The following PLPPR1 variants were observed in gnomAD, a reference collection of about 807,000 sequenced individuals.
The protein encoded by PLPPR1 is phospholipid phosphatase-related protein type 1.
A neutral mutation model predicts 33.1 loss-of-function variants in PLPPR1; 10 were observed. The ratio of observed to expected loss-of-function variants is 0.30; its 90% CI spans 0.19 to 0.51. PLPPR1 has a LOEUF of 0.51. PLPPR1 is among the 20% of genes least tolerant of loss of function. PLPPR1 has a pLI of 0.97. For synonymous variants in PLPPR1, 151 were observed against 151.0 expected, an observed-to-expected ratio of 1.00 and a Z score of 0.00; for missense variants, 304 against 408.1, an observed-to-expected ratio of 0.74 and a Z score of 2.20.
chr9:101,162,161 G>A (rs1319890195), intron 1 of PLPPR1, among the ~76,000 whole-genome samples: 2 of 151,858 alleles, frequency 1.3e-5, no homozygotes, highest in African/African-American at 2.4e-5. Context: ...AGCATAATGA[G>A]TTATTTCATG....
intron 4 of PLPPR1, among the ~76,000 whole-genome samples, chr9:101,290,969 A>G (rs1158200869): frequency 6.6e-6 from 1 of 152,242 alleles, no homozygotes; most frequent in Non-Finnish European, 1.5e-5. Context: ...GCGCGAGCCA[A>G]AGTAGGGCGA....
chr9:101,303,082 G>C (rs1215425871), intron 4 of PLPPR1, among the ~76,000 whole-genome samples: 1 of 152,036 alleles, frequency 6.6e-6, no homozygotes, highest in Admixed American at 6.6e-5. Flanking sequence ...CGCCTCCCAC[G>C]TTCAAGCGAT....
intron 1 of PLPPR1, among the ~76,000 whole-genome samples, chr9:101,099,605 G>A (rs184935079): frequency 1.6e-4 from 25 of 152,166 alleles, no homozygotes; most frequent in Non-Finnish European, 2.2e-4. Flanking sequence ...TAGACAATAC[G>A]ATATGACAGC....
At position 101,228,492 on chromosome 9, in the gene PLPPR1, G is replaced by T. The variant is rs542448219; in HGVS notation, c.64-41388G>T. 2.6e-5 allele frequency among the ~76,000 whole-genome samples: 4 copies of T among 152,206 alleles called. No homozygotes were observed. The South Asian group carries it at 8.3e-4, about 32-fold the overall frequency. On this transcript the variant is annotated intron_variant, in intron 2 of 7. Transcript: ENST00000374874. ...AGAATATATCACACTTAAAAGCGCG[G>T]TGTAAAAAATTTTTAAAGACATTGT...
chr9:101,322,125 G>A (rs7466590), intron 7 of PLPPR1, among the ~76,000 whole-genome samples: 1 of 132,134 alleles, frequency 7.6e-6, no homozygotes, highest in South Asian at 2.5e-4. Flanking sequence ...TTGAACCCAA[G>A]AGGCATGGGT....
At position 101,124,190 on chromosome 9, in the gene PLPPR1, C is replaced by T. The variant is rs982378229; in HGVS notation, c.-45-61260C>T. Among the ~76,000 whole-genome samples the T allele has an allele frequency of 2.6e-5, 4 of 152,154 alleles. No homozygotes were observed. The East Asian group carries it at 7.7e-4, about 29-fold the overall frequency. On this transcript the variant is annotated intron_variant, in intron 1 of 7. Coordinates refer to ENST00000374874, the MANE Select transcript of PLPPR1 (RefSeq NM_207299.2). The stretch of plus-strand genomic sequence containing the variant: ...TCATTTTTCTTAGCCCTTATTCAAA[C>T]TGGAGTCGCTCTGGTTTGAATACTT...
At chr9:101,059,711 C>G (rs1830320991) in intron 1 of PLPPR1, among the ~76,000 whole-genome samples, 1 of 151,962 alleles carries the variant, frequency 6.6e-6, no homozygotes, top group South Asian at 2.1e-4. Flanking sequence ...AGGTATATGA[C>G]AAAATGCTGA....
chr9:101,181,755 A>AG (rs72548326), intron 1 of PLPPR1, among the ~76,000 whole-genome samples: 1 of 101,258 alleles, frequency 9.9e-6, no homozygotes, highest in African/African-American at 3.4e-5. Flanking sequence ...ACACACACAC[A>AG]ACACACATAC....
intron 2 of PLPPR1, among the ~76,000 whole-genome samples, chr9:101,242,628 C>G (rs1428328779): frequency 6.6e-6 from 1 of 152,028 alleles, no homozygotes; most frequent in South Asian, 2.1e-4. Flanking sequence ...TAAATATAGA[C>G]TGATCACCCT....
At chr9:101,160,501 G>C (rs1339769144) in intron 1 of PLPPR1, among the ~76,000 whole-genome samples, 1 of 152,092 alleles carries the variant, frequency 6.6e-6, no homozygotes, top group Non-Finnish European at 1.5e-5. Context: ...ATTTTTGGGG[G>C]ATTTGGGTCT....
At chr9:101,155,604 C>CTT (rs35982232) in intron 1 of PLPPR1, among the ~76,000 whole-genome samples, 29 of 144,116 alleles carry the variant, frequency 2.0e-4, no homozygotes, top group Middle Eastern at 7.2e-3. Flanking sequence ...CTCTCTCTCT[C>CTT]TTTTTTTTTT....
chr9:101,140,865 A>T (rs979249561), intron 1 of PLPPR1, among the ~76,000 whole-genome samples: 10 of 152,274 alleles, frequency 6.6e-5, no homozygotes, highest in Admixed American at 3.3e-4. Flanking sequence ...TGATAAACTA[A>T]CTGGCAATAG....
chr9:101,193,709 T>C (rs1826342661), intron 2 of PLPPR1, among the ~76,000 whole-genome samples: 1 of 152,198 alleles, frequency 6.6e-6, no homozygotes, highest in Non-Finnish European at 1.5e-5. Context: ...ATATTGACCC[T>C]ATGCAATAGA....
At chr9:101,163,938 T>C (rs1036034480) in intron 1 of PLPPR1, among the ~76,000 whole-genome samples, 1 of 152,132 alleles carries the variant, frequency 6.6e-6, no homozygotes, top group Non-Finnish European at 1.5e-5. Flanking sequence ...ATTGAATGTA[T>C]CTTGGTAGGA....
At chr9:101,211,384 T>C (rs1183947885) in intron 2 of PLPPR1, among the ~76,000 whole-genome samples, 1 of 152,090 alleles carries the variant, frequency 6.6e-6, no homozygotes, top group African/African-American at 2.4e-5. Flanking sequence ...GAGAAAACAT[T>C]GTCCAAATCA....
chr9:101,096,091 T>C (rs1030646130), intron 1 of PLPPR1, among the ~76,000 whole-genome samples: 8 of 151,982 alleles, frequency 5.3e-5, no homozygotes, highest in African/African-American at 1.7e-4. Flanking sequence ...TAGATGAGGG[T>C]ATTTGAGTGT....
chr9:101,184,931 A>G (rs1292128151), intron 1 of PLPPR1: 1 of 152,088 alleles, frequency 6.6e-6, no homozygotes. Context: ...ATGGCTGTGT[A>G]TTCAAGAGAG....
chr9:101,163,345 T>C (rs1825798736), intron 1 of PLPPR1, among the ~76,000 whole-genome samples: 1 of 152,180 alleles, frequency 6.6e-6, no homozygotes, highest in Admixed American at 6.5e-5. Context: ...ACTTGGCATG[T>C]GCTAAACAGT....
intron 1 of PLPPR1, among the ~76,000 whole-genome samples, chr9:101,075,500 G>T (rs1375776830): frequency 6.6e-6 from 1 of 152,162 alleles, no homozygotes; most frequent in Non-Finnish European, 1.5e-5. Context: ...GATGACGTAG[G>T]TCACAAACAG....
Sources: gnomAD v4.1 joint callset for allele counts (sites outside exome capture counted in the v4.1 genomes callset) on GRCh38, gnomAD v4.1.1 for gene constraint, MANE v1.5 for transcripts, NCBI Gene and HGNC (gene_info 2026-07-23, HGNC 2026-07-21) for gene names.